The following MEIS2 variants were observed in gnomAD, a reference collection of about 807,000 sequenced individuals.
The protein encoded by MEIS2 is homeobox protein Meis2.
MEIS2 carries 9 observed loss-of-function variants against 58.6 expected under a neutral mutation model. That is an observed-to-expected ratio of 0.15 (90% CI 0.09 to 0.27). The LOEUF (loss-of-function observed/expected upper bound fraction) is 0.27. MEIS2 is among the 10% of genes least tolerant of loss of function. MEIS2 has a pLI of 1.00. For missense variants in MEIS2, 427 were observed against 635.0 expected (o/e 0.67, Z 3.52); for synonymous variants, 221 against 228.4 (o/e 0.97, Z 0.29).
intron 7 of MEIS2, among the ~76,000 whole-genome samples, chr15:37,077,394 T>G (rs923431671): frequency 2.0e-5 from 3 of 152,068 alleles, no homozygotes; most frequent in Non-Finnish European, 2.9e-5. Context: ...GTGCATTGCT[T>G]TCAGAGAATG....
At chr15:37,044,754 C>T (rs1283002910) in intron 7 of MEIS2, among the ~76,000 whole-genome samples, 1 of 152,174 alleles carries the variant, frequency 6.6e-6, no homozygotes, top group African/African-American at 2.4e-5. Context: ...TTTGTTCTTA[C>T]CTCTGTTATT....
intron 9 of MEIS2, among the ~76,000 whole-genome samples, chr15:36,930,977 T>C (rs2141330651): frequency 6.6e-6 from 1 of 152,314 alleles, no homozygotes; most frequent in African/African-American, 2.4e-5. Context: ...GCATCAAAAT[T>C]GCAGTGAGTA....
intron 8 of MEIS2, among the ~76,000 whole-genome samples, chr15:36,996,604 T>A (rs1184815828): frequency 6.6e-6 from 1 of 152,176 alleles, no homozygotes; most frequent in African/African-American, 2.4e-5. Flanking sequence ...ACTTCCAAGA[T>A]TTCCTCCAAG....
At chr15:36,983,154 C>A (rs1193214656) in intron 8 of MEIS2, among the ~76,000 whole-genome samples, 3 of 152,114 alleles carry the variant, frequency 2.0e-5, no homozygotes, top group Non-Finnish European at 4.4e-5. Context: ...TAGTTTGATG[C>A]AATTCCATCT....
In MEIS2 at chr15:36,918,265, G is replaced by A. The variant is rs888863861; in HGVS notation, c.978-21579C>T. Among the ~76,000 whole-genome samples, 11 of 152,190 alleles carry A rather than the reference G, an allele frequency of 7.2e-5. No individual in the cohort carries two copies. The South Asian group carries it at 1.7e-3, about 23-fold the overall frequency. ...CAGCACAATTTAATGAAGACTATGC[G>A]ATTTGGAAATCTGGGTTTGAACTCT... On this transcript the variant is annotated intron_variant, in intron 9 of 11. Coordinates refer to ENST00000561208, the MANE Select transcript of MEIS2 (RefSeq NM_170675.5).
intron 8 of MEIS2, among the ~76,000 whole-genome samples, chr15:36,979,247 T>C (rs1389207483): frequency 1.3e-5 from 2 of 152,158 alleles, no homozygotes; most frequent in African/African-American, 4.8e-5. Context: ...AAAGTGTCTA[T>C]GAAACACAAA....
intron 9 of MEIS2, among the ~76,000 whole-genome samples, chr15:36,904,638 CT>C (rs55954977): frequency 0.22 from 28,282 of 128,970 alleles, 3,588 homozygotes; most frequent in African/African-American, 0.39. Flanking sequence ...ACATTTTCTT[CT>C]TTTTTTTTTT....
At chr15:36,976,018 T>A (rs947509619) in intron 8 of MEIS2, among the ~76,000 whole-genome samples, 1 of 152,338 alleles carries the variant, frequency 6.6e-6, no homozygotes, top group East Asian at 1.9e-4. Flanking sequence ...AACAATTTTT[T>A]AAAGTTTCTA....
chr15:36,957,481 G>A (rs180864779), intron 8 of MEIS2, among the ~76,000 whole-genome samples: 17 of 152,196 alleles, frequency 1.1e-4, no homozygotes, highest in Admixed American at 7.2e-4. Flanking sequence ...CCATTTCCAC[G>A]ATTCTGGCAT....
At chr15:36,935,980 A>G (rs16964364) in intron 9 of MEIS2, among the ~76,000 whole-genome samples, 4,332 of 152,196 alleles carry the variant, frequency 0.028, 222 homozygotes, top group African/African-American at 0.098. Context: ...CAAATAAAGC[A>G]TTAGTACCAT....
In MEIS2 at chr15:36,921,144, T is replaced by C. The variant is rs540154049; in HGVS notation, c.978-24458A>G. Among the ~76,000 whole-genome samples the C allele has an allele frequency of 2.6e-5, 4 of 152,224 alleles. No individual in the cohort carries two copies. The South Asian group carries it at 8.3e-4, about 32-fold the overall frequency. On this transcript the variant is annotated intron_variant, in intron 9 of 11. Transcript: ENST00000561208. ...TGTAGAATAAAGCTGCCAAACCACC[T>C]TGGATAAATTTTTAATGAGATGTTT...
intron 9 of MEIS2, among the ~76,000 whole-genome samples, chr15:36,933,513 G>T (rs188532468): frequency 6.8e-6 from 1 of 146,646 alleles, no homozygotes; most frequent in African/African-American, 2.5e-5. Flanking sequence ...ACCTCAGAAA[G>T]AGATAATCCT....
Position 36,975,682 on chromosome 15 carries a change from T to C in MEIS2, c.901-25282A>G, listed in dbSNP as rs375330309. ...ACTTCCAACTGTTTGTTGTTTTGGC[T>C]GGCACACAATAGACGATGTTCATGT... On this transcript the variant is annotated intron_variant, in intron 8 of 11. Coordinates refer to ENST00000561208, the MANE Select transcript of MEIS2 (RefSeq NM_170675.5). Among the ~76,000 whole-genome samples the C allele has an allele frequency of 5.9e-5, 9 of 152,280 alleles. No individual in the cohort carries two copies. In the South Asian group the frequency reaches 1.9e-3, roughly 32 times the overall value.
chr15:37,078,905 A>G (rs1024326031), intron 7 of MEIS2, among the ~76,000 whole-genome samples: 1 of 152,246 alleles, frequency 6.6e-6, no homozygotes, highest in Admixed American at 6.6e-5. Flanking sequence ...TTTCTCAAGT[A>G]AGTTGATACA....
chr15:37,076,249 C>T (rs946823788), intron 7 of MEIS2, among the ~76,000 whole-genome samples: 3 of 151,738 alleles, frequency 2.0e-5, no homozygotes, highest in East Asian at 1.9e-4. Flanking sequence ...GGGTAGAAAT[C>T]GGAAAGAAAG....
intron 6 of MEIS2, among the ~76,000 whole-genome samples, chr15:37,091,105 A>G (rs1893460831): frequency 1.3e-5 from 2 of 152,038 alleles, no homozygotes. Context: ...TCCCACTCAC[A>G]CCACTTTTCA....
chr15:37,088,430 G>GT (rs1238565604), intron 6 of MEIS2, among the ~76,000 whole-genome samples: 1 of 152,120 alleles, frequency 6.6e-6, no homozygotes, highest in African/African-American at 2.4e-5. Context: ...ACTTTATAAT[G>GT]TTTTAACTCC....
chr15:37,060,400 G>A (rs574634785), intron 7 of MEIS2, among the ~76,000 whole-genome samples: 1 of 152,176 alleles, frequency 6.6e-6, no homozygotes, highest in South Asian at 2.1e-4. Context: ...CTTTTCTTAG[G>A]GTAGGTATTT....
chr15:37,097,453 A>T (rs1318934571), intron 2 of MEIS2: 1 of 153,264 alleles, frequency 6.5e-6, no homozygotes, highest in Non-Finnish European at 1.5e-5. Context: ...ATTTACAGAG[A>T]ATTAAGAAGT....
Sources: gnomAD v4.1 joint callset for allele counts (sites outside exome capture counted in the v4.1 genomes callset) on GRCh38, gnomAD v4.1.1 for gene constraint, MANE v1.5 for transcripts, NCBI Gene and HGNC (gene_info 2026-07-23, HGNC 2026-07-21) for gene names.